Variants in RFX3 observed in about 807,000 individuals in gnomAD.
RFX3 encodes regulatory factor X3.
Under a neutral mutation model 98.6 loss-of-function variants are expected in RFX3, and 14 were observed. The ratio of observed to expected loss-of-function variants is 0.14; its 90% CI spans 0.09 to 0.22. The LOEUF (loss-of-function observed/expected upper bound fraction) is 0.22. Among genes scored for constraint, RFX3 ranks in the 10% least tolerant of loss-of-function variants. RFX3 has a pLI of 1.00. For synonymous variants in RFX3, 383 were observed against 328.4 expected (o/e 1.17, Z -1.80); for missense variants, 639 against 926.9 (o/e 0.69, Z 4.03).
At chr9:3,513,849 A>T (rs1206254746) in intron 1 of RFX3, among the ~76,000 whole-genome samples, 1 of 152,192 alleles carries the variant, frequency 6.6e-6, no homozygotes, top group Non-Finnish European at 1.5e-5. Context: ...CTTCCAAGAC[A>T]TATGGCACTC....
rs940079704 is a variant in RFX3 at position 3,244,624 on chromosome 9, T to C, written c.1968+3408A>G. 4.6e-5 allele frequency among the ~76,000 whole-genome samples: 7 copies of C among 152,328 alleles called. 1 individual carries two copies. Among genetic ancestry groups the C allele is most frequent in the Non-Finnish European group, 7.3e-5 (5 of 68,028 alleles). ...TGTGCCTGGGGTGTTTTTCACCCCT[T>C]ACCTTCAGATTCTCTCTTCACAGAG... On this transcript the variant is annotated intron_variant, in intron 15 of 16. Transcript: ENST00000617270.
At chr9:3,231,224 T>C (rs539496013) in intron 15 of RFX3, among the ~76,000 whole-genome samples, 1 of 151,904 alleles carries the variant, frequency 6.6e-6, no homozygotes, top group African/African-American at 2.4e-5. Flanking sequence ...ATAGAGAGAG[T>C]AGATTAAAAA....
chr9:3,397,843 A>C (rs1430104875), intron 1 of RFX3, among the ~76,000 whole-genome samples: 3 of 152,234 alleles, frequency 2.0e-5, no homozygotes, highest in Non-Finnish European at 2.9e-5. Context: ...TTATTAATTT[A>C]AAAATGAATC....
At chr9:3,441,115 C>T (rs918269182) in intron 1 of RFX3, among the ~76,000 whole-genome samples, 1 of 152,122 alleles carries the variant, frequency 6.6e-6, no homozygotes, top group African/African-American at 2.4e-5. Context: ...AACTCTGAAG[C>T]TGCTTTATAT....
intron 1 of RFX3, among the ~76,000 whole-genome samples, chr9:3,506,559 A>T (rs1435607939): frequency 6.6e-6 from 1 of 151,944 alleles, no homozygotes; most frequent in African/African-American, 2.4e-5. Flanking sequence ...ACAACTAGAA[A>T]ATAGAAATAA....
chr9:3,436,626 G>C (rs1845148922), intron 1 of RFX3, among the ~76,000 whole-genome samples: 3 of 152,030 alleles, frequency 2.0e-5, no homozygotes. Context: ...CAGTTGGCTG[G>C]CCCTAAGTAC....
chr9:3,485,314 A>G (rs1850165725), intron 1 of RFX3, among the ~76,000 whole-genome samples: 1 of 152,172 alleles, frequency 6.6e-6, no homozygotes, highest in African/African-American at 2.4e-5. Flanking sequence ...CTGAAGCACT[A>G]TTCTGTGCCA....
chr9:3,307,959 T>A (rs1432359573), intron 4 of RFX3, among the ~76,000 whole-genome samples: 1 of 152,180 alleles, frequency 6.6e-6, no homozygotes, highest in Non-Finnish European at 1.5e-5. Flanking sequence ...ACAGAACCAA[T>A]TTTCTTTTAA....
chr9:3,373,631 G>C (rs1299944025), intron 2 of RFX3, among the ~76,000 whole-genome samples: 1 of 152,168 alleles, frequency 6.6e-6, no homozygotes, highest in Non-Finnish European at 1.5e-5. Context: ...TATAAGGAAA[G>C]GTGAAGCTCT....
chr9:3,372,974 AAC>A (rs1323300752), intron 2 of RFX3, among the ~76,000 whole-genome samples: 11 of 152,226 alleles, frequency 7.2e-5, no homozygotes, highest in African/African-American at 2.2e-4. Flanking sequence ...AAAAATGGTA[AAC>A]TACTATCTTC....
intron 15 of RFX3, among the ~76,000 whole-genome samples, chr9:3,243,830 C>T (rs1300956045): frequency 6.6e-6 from 1 of 152,142 alleles, no homozygotes; most frequent in Non-Finnish European, 1.5e-5. Flanking sequence ...ATTGTTCCTA[C>T]TCCAATCCTA....
At chr9:3,389,474 G>A (rs1039825188) in intron 2 of RFX3, among the ~76,000 whole-genome samples, 1 of 151,944 alleles carries the variant, frequency 6.6e-6, no homozygotes, top group African/African-American at 2.4e-5. Flanking sequence ...TTATTGAATT[G>A]GGCAACAATG....
intron 1 of RFX3, among the ~76,000 whole-genome samples, chr9:3,397,715 T>C (rs1348300942): frequency 6.6e-6 from 1 of 152,220 alleles, no homozygotes; most frequent in Non-Finnish European, 1.5e-5. Flanking sequence ...TCTCATTCTT[T>C]TGTTAGTGAA....
At chr9:3,345,326 A>G (rs1269308892) in intron 3 of RFX3, among the ~76,000 whole-genome samples, 1 of 152,202 alleles carries the variant, frequency 6.6e-6, no homozygotes, top group Non-Finnish European at 1.5e-5. Context: ...TATTTGGGGA[A>G]AAATGCACAA....
chr9:3,225,537 T>A (rs1367075537), intron 16 of RFX3, among the ~76,000 whole-genome samples: 1 of 150,578 alleles, frequency 6.6e-6, no homozygotes, highest in Admixed American at 6.6e-5. Flanking sequence ...GTTAACTTTT[T>A]TAAAAAAAAA....
chr9:3,260,873 A>G (rs958118529), intron 13 of RFX3, among the ~76,000 whole-genome samples: 14 of 149,870 alleles, frequency 9.3e-5, no homozygotes, highest in Non-Finnish European at 2.1e-4. Flanking sequence ...ATAGATATAA[A>G]TATCTAATAT....
chr9:3,507,716 C>T (rs1817239833), intron 1 of RFX3, among the ~76,000 whole-genome samples: 1 of 151,916 alleles, frequency 6.6e-6, no homozygotes, highest in Non-Finnish European at 1.5e-5. Context: ...TACTTTAAAT[C>T]ATCTCTAGAT....
chr9:3,466,726 T>C (rs1030258950), intron 1 of RFX3, among the ~76,000 whole-genome samples: 1 of 152,022 alleles, frequency 6.6e-6, no homozygotes, highest in African/African-American at 2.4e-5. Context: ...AAAATGTAAA[T>C]GTCAAGAAAT....
intron 6 of RFX3, 130 bp downstream of exon 6, chr9:3,292,947 T>C (rs548518528): frequency 3.0e-6 from 2 of 658,282 alleles, no homozygotes; most frequent in East Asian, 6.0e-5. Flanking sequence ...GGGGATGTTA[T>C]AAACTGAGCT....
Sources: allele counts gnomAD v4.1 joint callset (sites outside exome capture counted in the v4.1 genomes callset), GRCh38; gene constraint gnomAD v4.1.1; transcripts MANE v1.5; gene names NCBI Gene and HGNC (gene_info 2026-07-23, HGNC 2026-07-21).